The following RCAN1 variants were observed in gnomAD, a reference collection of about 807,000 sequenced individuals.
RCAN1 encodes the protein regulator of calcineurin 1.
A neutral mutation model predicts 22.9 loss-of-function variants in RCAN1; 11 were observed. That is an observed-to-expected ratio of 0.48 (90% CI 0.30 to 0.79). RCAN1 has a LOEUF of 0.79. Among genes scored for constraint, RCAN1 ranks in the 30% least tolerant of loss-of-function variants. The probability of loss-of-function intolerance (pLI) is 0.06; values close to 1 mark genes in which losing one functional copy is unlikely to be tolerated. For synonymous variants in RCAN1, 136 were observed against 142.3 expected (o/e 0.96, Z 0.32); for missense variants, 291 against 337.8 (o/e 0.86, Z 1.09).
At chr21:34,520,417 C>A (rs1292223198) in intron 3 of RCAN1, among the ~76,000 whole-genome samples, 1 of 152,204 alleles carries the variant, frequency 6.6e-6, no homozygotes, top group African/African-American at 2.4e-5. Flanking sequence ...CTCAAAATGG[C>A]CATTTCTGAT....
chr21:34,527,134 A>G (rs987466812), intron 1 of RCAN1, among the ~76,000 whole-genome samples: 4 of 152,216 alleles, frequency 2.6e-5, no homozygotes, highest in Admixed American at 2.6e-4. Context: ...AATTCCATTC[A>G]GCTACTCAGA....
chr21:34,566,670 T>C (rs79125270), intron 1 of RCAN1, among the ~76,000 whole-genome samples: 21,603 of 152,172 alleles, frequency 0.14, 1,577 homozygotes, highest in Middle Eastern at 0.19. Flanking sequence ...AGGGAATACC[T>C]GAGACTGTGT....
chr21:34,564,484 C>T (rs1411389775), intron 1 of RCAN1, among the ~76,000 whole-genome samples: 2 of 151,994 alleles, frequency 1.3e-5, no homozygotes, highest in African/African-American at 4.8e-5. Flanking sequence ...CCGCCCAGAG[C>T]CTGATGTGAA....
At chr21:34,537,470 G>T (rs149928589) in intron 1 of RCAN1, among the ~76,000 whole-genome samples, 3 of 152,146 alleles carry the variant, frequency 2.0e-5, no homozygotes, top group Non-Finnish European at 2.9e-5. Context: ...GTGGTGGCCC[G>T]GGGAGATGTG....
At chr21:34,557,107 G>A (rs1244217929) in intron 1 of RCAN1, among the ~76,000 whole-genome samples, 1 of 152,150 alleles carries the variant, frequency 6.6e-6, no homozygotes, top group African/African-American at 2.4e-5. Context: ...CAGCTACTCG[G>A]GAGGCTGAGG....
intron 1 of RCAN1, chr21:34,613,977 C>A (rs1450730462): frequency 1.3e-6 from 1 of 749,788 alleles, no homozygotes; most frequent in Non-Finnish European, 1.9e-6. Context: ...TTATTCTGCA[C>A]AATAACTGCA....
chr21:34,545,004 A>C (rs1568898750), intron 1 of RCAN1, among the ~76,000 whole-genome samples: 1 of 152,170 alleles, frequency 6.6e-6, no homozygotes, highest in African/African-American at 2.4e-5. Flanking sequence ...TGCAAAGCCT[A>C]CTGTGTCATT....
At chr21:34,553,807 A>G (rs996581296) in intron 1 of RCAN1, among the ~76,000 whole-genome samples, 1 of 152,192 alleles carries the variant, frequency 6.6e-6, no homozygotes, top group African/African-American at 2.4e-5. Flanking sequence ...GAAACAAATA[A>G]CCTATAAAGC....
chr21:34,568,119 G>C (rs1487298260), intron 1 of RCAN1, among the ~76,000 whole-genome samples: 1 of 152,140 alleles, frequency 6.6e-6, no homozygotes, highest in Non-Finnish European at 1.5e-5. Context: ...AGCATGCCAT[G>C]GTCCCTTTAG....
At chr21:34,555,513 T>C (rs8133335) in intron 1 of RCAN1, among the ~76,000 whole-genome samples, 35,965 of 149,720 alleles carry the variant, frequency 0.24, 5,018 homozygotes, top group African/African-American at 0.39. Context: ...GTCAGCACTG[T>C]AGTGAGCTGT....
At chr21:34,582,092 T>C (rs2123698523) in intron 1 of RCAN1, among the ~76,000 whole-genome samples, 1 of 152,292 alleles carries the variant, frequency 6.6e-6, no homozygotes, top group South Asian at 2.1e-4. Context: ...GAGGGGTCTA[T>C]GCTCATTACC....
intron 1 of RCAN1, among the ~76,000 whole-genome samples, chr21:34,582,467 G>A (rs1174049129): frequency 6.6e-6 from 1 of 152,128 alleles, no homozygotes; most frequent in African/African-American, 2.4e-5. Context: ...GAGTGAGGGA[G>A]TAAGCCATGT....
chr21:34,532,399 A>C (rs7280739), intron 1 of RCAN1, among the ~76,000 whole-genome samples: 127,441 of 152,238 alleles, frequency 0.84, 53,570 homozygotes, highest in East Asian at 0.92. Flanking sequence ...AAGGTTTGTT[A>C]AGCACTCTCC....
intron 1 of RCAN1, among the ~76,000 whole-genome samples, chr21:34,541,459 A>G (rs1454635436): frequency 2.0e-5 from 3 of 152,198 alleles, no homozygotes; most frequent in African/African-American, 7.2e-5. Context: ...ACTATCATCC[A>G]CTGTCATGTG....
chr21:34,548,416 C>G (rs1270874696), intron 1 of RCAN1, among the ~76,000 whole-genome samples: 1 of 152,018 alleles, frequency 6.6e-6, no homozygotes, highest in African/African-American at 2.4e-5. Context: ...AATAAAATGA[C>G]ATGTCTGATT....
intron 1 of RCAN1, among the ~76,000 whole-genome samples, chr21:34,546,308 A>G (rs1281675508): frequency 6.6e-6 from 1 of 152,226 alleles, no homozygotes; most frequent in Non-Finnish European, 1.5e-5. Context: ...GCTCTAGAAG[A>G]AAATGACATT....
At chr21:34,574,473 G>C (rs917361237) in intron 1 of RCAN1, among the ~76,000 whole-genome samples, 1 of 152,182 alleles carries the variant, frequency 6.6e-6, no homozygotes, top group African/African-American at 2.4e-5. Context: ...GGATGCACTA[G>C]ACCCAACTTA....
intron 1 of RCAN1, among the ~76,000 whole-genome samples, chr21:34,550,822 G>C (rs1043085276): frequency 1.3e-5 from 2 of 152,210 alleles, no homozygotes; most frequent in African/African-American, 2.4e-5. Context: ...GAAAGAAAAT[G>C]ATGAGACAGG....
chr21:34,558,261 G>A (rs187831634), intron 1 of RCAN1, among the ~76,000 whole-genome samples: 19 of 152,232 alleles, frequency 1.2e-4, no homozygotes, highest in African/African-American at 1.9e-4. Context: ...CCTGCTACCC[G>A]GTGCAGGAGC....
Sources: allele counts gnomAD v4.1 joint callset (sites outside exome capture counted in the v4.1 genomes callset), GRCh38; gene constraint gnomAD v4.1.1; transcripts MANE v1.5; gene names NCBI Gene and HGNC (gene_info 2026-07-23, HGNC 2026-07-21).